RAB3IP: variants seen among roughly 807,000 people sequenced by gnomAD.
RAB3IP encodes the protein rab-3A-interacting protein.
Under a neutral mutation model 59.1 loss-of-function variants are expected in RAB3IP, and 36 were observed. The ratio of observed to expected loss-of-function variants is 0.61; its 90% CI spans 0.47 to 0.80. The LOEUF is 0.80. RAB3IP is among the 30% of genes least tolerant of loss of function. The probability of loss-of-function intolerance (pLI) is 0.00; values close to 1 mark genes in which losing one functional copy is unlikely to be tolerated. For synonymous variants in RAB3IP, 207 were observed against 191.2 expected (o/e 1.08, Z -0.68); for missense variants, 511 against 536.0 (o/e 0.95, Z 0.46).
chr12:69,769,395 G>A (rs1414192119), intron 3 of RAB3IP, among the ~76,000 whole-genome samples: 1 of 152,140 alleles, frequency 6.6e-6, no homozygotes, highest in Non-Finnish European at 1.5e-5. Flanking sequence ...CTTCAGCCAG[G>A]ATAGGGAACC....
At chr12:69,808,819 A>G (rs1322122876) in intron 8 of RAB3IP, among the ~76,000 whole-genome samples, 2 of 152,078 alleles carry the variant, frequency 1.3e-5, no homozygotes, top group Admixed American at 6.6e-5. Context: ...GGTTTCCTGA[A>G]TACAGCATAC....
At chr12:69,807,624 G>A (rs527356451) in intron 8 of RAB3IP, among the ~76,000 whole-genome samples, 13 of 147,922 alleles carry the variant, frequency 8.8e-5, no homozygotes, top group South Asian at 4.4e-4. Context: ...GGGCAGAGGC[G>A]CTCCTTACCT....
At chr12:69,754,743 C>T (rs1365335735) in intron 1 of RAB3IP, among the ~76,000 whole-genome samples, 1 of 152,076 alleles carries the variant, frequency 6.6e-6, no homozygotes, top group Non-Finnish European at 1.5e-5. Context: ...ATGATAAATA[C>T]AATGTTCTCT....
intron 4 of RAB3IP, among the ~76,000 whole-genome samples, chr12:69,793,443 A>G (rs1216822847): frequency 6.6e-6 from 1 of 152,214 alleles, no homozygotes; most frequent in African/African-American, 2.4e-5. Flanking sequence ...CAAACTATTC[A>G]TTAAATATCT....
intron 8 of RAB3IP, chr12:69,812,484 T>G (rs549571830): frequency 6.9e-6 from 2 of 290,056 alleles, no homozygotes; most frequent in East Asian, 7.4e-5. Context: ...TGCAGCTGAT[T>G]ACTGATTTGT....
intron 1 of RAB3IP, among the ~76,000 whole-genome samples, chr12:69,746,668 A>G (rs1384956107): frequency 6.6e-6 from 1 of 152,220 alleles, no homozygotes; most frequent in African/African-American, 2.4e-5. Context: ...TATATGTATG[A>G]AATAAATGTA....
chr12:69,760,122 A>C (rs554196166), intron 3 of RAB3IP, among the ~76,000 whole-genome samples: 268 of 152,376 alleles, frequency 1.8e-3, no homozygotes, highest in Non-Finnish European at 2.8e-3. Context: ...CTCCGTCTGC[A>C]ATCCCGGCAC....
intron 4 of RAB3IP, among the ~76,000 whole-genome samples, chr12:69,794,057 C>T (rs1877062205): frequency 6.6e-6 from 1 of 152,130 alleles, no homozygotes; most frequent in African/African-American, 2.4e-5. Context: ...TTACTTGTCC[C>T]TCCTGTATGT....
intron 3 of RAB3IP, among the ~76,000 whole-genome samples, chr12:69,771,000 C>T (rs1368815999): frequency 6.6e-6 from 1 of 152,216 alleles, no homozygotes; most frequent in African/African-American, 2.4e-5. Context: ...AACCTCTCCT[C>T]ATTCTACTCC....
At chr12:69,771,851 T>A (rs1340878499) in intron 3 of RAB3IP, among the ~76,000 whole-genome samples, 1 of 152,242 alleles carries the variant, frequency 6.6e-6, no homozygotes, top group Non-Finnish European at 1.5e-5. Flanking sequence ...TGGGTTGAGA[T>A]GATACCTCAT....
rs1347558784 is a variant in RAB3IP, at chr12:69,817,177, G to C, written c.*1731G>C. On this transcript the variant is annotated 3_prime_UTR_variant, in exon 11 of 11. Coordinates refer to ENST00000247833, the MANE Select transcript of RAB3IP (RefSeq NM_022456.5). ...AAATACTCAGAAAAAGTTTGTTGAT[G>C]ACTTAAAAAGGATAAATAAAAAGTA... is the stretch of plus-strand genomic sequence containing the variant. 6.6e-6 allele frequency: 1 copy of C among 152,084 alleles called. No individual in the cohort carries two copies. The highest frequency in any genetic ancestry group is 2.4e-5 in the African/African-American group (1 of 41,432). The allele number at this position is 152,084 out of a possible 1,614,324, so 9.4% of individuals were successfully genotyped here.
chr12:69,793,601 C>T (rs1466356696), intron 4 of RAB3IP, among the ~76,000 whole-genome samples: 1 of 152,064 alleles, frequency 6.6e-6, no homozygotes, highest in Non-Finnish European at 1.5e-5. Context: ...TATACAAGGG[C>T]ATAATCTTTT....
chr12:69,739,708 A>G, intron 1 of RAB3IP: 4 of 825,222 alleles, frequency 4.8e-6, no homozygotes, highest in Non-Finnish European at 8.0e-6. Context: ...GTTGAGACGA[A>G]CTGCACGGGT....
rs1881911826 is a variant in RAB3IP, at chr12:69,822,887, A to G, written c.*7441A>G. On this transcript the variant is annotated 3_prime_UTR_variant, in exon 11 of 11. Transcript: ENST00000247833. ...CCTCTCGCACCATACTAGGCACACA[A>G]TCTCTGTACCTGTGCTGTCTTCCAA... 1 of 152,106 alleles carries G rather than the reference A, an allele frequency of 6.6e-6. No individual in the cohort carries two copies. The highest frequency in any genetic ancestry group is 1.5e-5 in the Non-Finnish European group (1 of 68,024). The allele number at this position is 152,106 out of a possible 1,614,324, so 9.4% of individuals were successfully genotyped here.
chr12:69,796,699 A>T, intron 6 of RAB3IP: 1 of 576,458 alleles, frequency 1.7e-6, no homozygotes, highest in Non-Finnish European at 3.1e-6. Context: ...TCCAAAATTC[A>T]CATTGGTTTC....
At chr12:69,781,640 A>G (rs1045765714) in intron 3 of RAB3IP, among the ~76,000 whole-genome samples, 5 of 152,168 alleles carry the variant, frequency 3.3e-5, no homozygotes, top group Non-Finnish European at 7.4e-5. Context: ...TAGCCTTTTC[A>G]GATTGGCTTC....
At chr12:69,748,899 T>C (rs187646414) in intron 1 of RAB3IP, among the ~76,000 whole-genome samples, 2 of 152,340 alleles carry the variant, frequency 1.3e-5, no homozygotes, top group Admixed American at 1.3e-4. Flanking sequence ...ACCAGCTAAA[T>C]TACATTTTAT....
At chr12:69,787,513 C>T (rs955046741) in intron 4 of RAB3IP, among the ~76,000 whole-genome samples, 1 of 152,134 alleles carries the variant, frequency 6.6e-6, no homozygotes, top group African/African-American at 2.4e-5. Flanking sequence ...GCAATGCAGG[C>T]ACTCATATTC....
At position 69,795,191 on chromosome 12, in the gene RAB3IP, C is replaced by A. The variant is rs1332375716; in HGVS notation, c.735C>A (p.Ser245=). The change falls in exon 6 of 11, where the codon TCC becomes TCA. Residue 245 remains serine, a synonymous_variant. Transcript: ENST00000247833. The part of the protein sequence containing the change: ...EVAALKTLVL[S]SSPTSPTQEP... ...CTGCATTGAAGACACTTGTATTGTC[C>A]AGTTCTCCAACATCACCTACGCAGG... The A allele has an allele frequency of 6.2e-7, 1 of 1,614,000 alleles. No individual in the cohort carries two copies. Among genetic ancestry groups the A allele is most frequent in the Admixed American group, 1.7e-5 (1 of 59,990 alleles).
Sources: allele counts gnomAD v4.1 joint callset (sites outside exome capture counted in the v4.1 genomes callset), GRCh38; gene constraint gnomAD v4.1.1; transcripts MANE v1.5; gene names NCBI Gene and HGNC (gene_info 2026-07-23, HGNC 2026-07-21).